The following SPAG16 variants were observed in gnomAD, a reference collection of about 807,000 sequenced individuals.
SPAG16 encodes the protein sperm-associated antigen 16 protein.
SPAG16 carries 86 observed loss-of-function variants against 80.4 expected under a neutral mutation model. The observed-to-expected ratio is 1.07, with a 90% CI of 0.90 to 1.28. The LOEUF is 1.28. Ranked by LOEUF, SPAG16 falls within the 50% of genes most tolerant of loss-of-function variation. SPAG16 has a pLI of 0.00. For missense variants in SPAG16, 870 were observed against 765.3 expected (o/e 1.14, Z -1.61); for synonymous variants, 294 against 265.9 (o/e 1.11, Z -1.03).
chr2:213,763,565 A>G (rs2068774002), intron 10 of SPAG16, among the ~76,000 whole-genome samples: 2 of 152,190 alleles, frequency 1.3e-5, no homozygotes, highest in Admixed American at 1.3e-4. Flanking sequence ...CAGTTATGCA[A>G]CATTAAAAAG....
At chr2:213,829,533 C>G (rs1474707132) in intron 10 of SPAG16, among the ~76,000 whole-genome samples, 2 of 152,140 alleles carry the variant, frequency 1.3e-5, no homozygotes, top group African/African-American at 4.8e-5. Context: ...TCAAAGTCCC[C>G]TTTACTCTTC....
intron 11 of SPAG16, among the ~76,000 whole-genome samples, chr2:213,886,006 G>A (rs2076540891): frequency 6.6e-6 from 1 of 152,114 alleles, no homozygotes; most frequent in Non-Finnish European, 1.5e-5. Context: ...ATTATAGACA[G>A]CCATGTAAAA....
intron 15 of SPAG16, among the ~76,000 whole-genome samples, chr2:214,153,367 A>G (rs2056069527): frequency 6.6e-6 from 1 of 152,176 alleles, no homozygotes; most frequent in Non-Finnish European, 1.5e-5. Context: ...TTATTATAAT[A>G]TTGGAATAAA....
intron 15 of SPAG16, among the ~76,000 whole-genome samples, chr2:214,164,879 G>A (rs573353874): frequency 4.5e-4 from 68 of 151,964 alleles, no homozygotes; most frequent in Non-Finnish European, 8.5e-4. Context: ...TAAATGCTCC[G>A]GACACTGCTA....
At chr2:213,652,983 A>G (rs1446476428) in intron 10 of SPAG16, among the ~76,000 whole-genome samples, 2 of 152,170 alleles carry the variant, frequency 1.3e-5, no homozygotes, top group African/African-American at 4.8e-5. Context: ...TGCATTTTAC[A>G]TTTCAATCTG....
At chr2:213,402,709 G>A (rs1278119677) in intron 9 of SPAG16, among the ~76,000 whole-genome samples, 1 of 151,992 alleles carries the variant, frequency 6.6e-6, no homozygotes, top group African/African-American at 2.4e-5. Flanking sequence ...AGTTTACAGA[G>A]AATGATGGTT....
chr2:213,323,627 T>C (rs1335194328), intron 5 of SPAG16, among the ~76,000 whole-genome samples: 2 of 152,200 alleles, frequency 1.3e-5, no homozygotes, highest in African/African-American at 4.8e-5. Context: ...GGGTATTTAT[T>C]TGAAGTGAAT....
Position 213,677,022 on chromosome 2 carries a change from T to G in SPAG16, c.1071-185463T>G, listed in dbSNP as rs190184560. ...TGAATCCATCTGGTCCTGGACTCTT[T>G]TTGGTTGGTAAGCTGTTGATTATTG... On this transcript the variant is annotated intron_variant, in intron 10 of 15. Coordinates refer to ENST00000331683, the MANE Select transcript of SPAG16 (RefSeq NM_024532.5). 4.1e-3 allele frequency among the ~76,000 whole-genome samples: 623 copies of G among 152,064 alleles called. 6 individuals carry two copies. Among genetic ancestry groups the G allele is most frequent in the African/African-American group, 0.014 (588 of 41,468 alleles).
intron 11 of SPAG16, among the ~76,000 whole-genome samples, chr2:213,876,974 A>AAAGC (rs1225134536): frequency 6.6e-6 from 1 of 152,190 alleles, no homozygotes; most frequent in Non-Finnish European, 1.5e-5. Flanking sequence ...AAACATGCTT[A>AAAGC]GCAAGATAAT....
chr2:213,474,302 T>G (rs1162754126), intron 9 of SPAG16, among the ~76,000 whole-genome samples: 2 of 152,154 alleles, frequency 1.3e-5, no homozygotes, highest in Non-Finnish European at 2.9e-5. Context: ...CTTCTGTCTT[T>G]TTTTCCACAA....
intron 10 of SPAG16, among the ~76,000 whole-genome samples, chr2:213,624,851 C>T (rs544978044): frequency 6.6e-6 from 1 of 152,172 alleles, no homozygotes; most frequent in East Asian, 1.9e-4. Context: ...AGTGCAATGG[C>T]GTGATCTCAG....
In SPAG16 at chr2:213,536,452, A is replaced by C. The variant is rs113657455; in HGVS notation, c.1070+46362A>C. Among the ~76,000 whole-genome samples, 123 of 152,290 alleles carry C rather than the reference A, an allele frequency of 8.1e-4. 2 individuals are homozygous for C. Among genetic ancestry groups the C allele is most frequent in the Middle Eastern group, 3.4e-3 (1 of 292 alleles). ...TAGTTTACTGTCCCACCAACAGTGT[A>C]AAAGTGTTCCTATTTCTCCACATCC... On this transcript the variant is annotated intron_variant, in intron 10 of 15. Transcript: ENST00000331683.
intron 15 of SPAG16, among the ~76,000 whole-genome samples, chr2:214,196,597 C>T (rs1454874628): frequency 6.6e-6 from 1 of 151,954 alleles, no homozygotes; most frequent in Non-Finnish European, 1.5e-5. Context: ...AGAAGGTGCT[C>T]AGAAACTGCA....
chr2:213,730,192 G>A (rs1438563006), intron 10 of SPAG16, among the ~76,000 whole-genome samples: 1 of 152,152 alleles, frequency 6.6e-6, no homozygotes, highest in Non-Finnish European at 1.5e-5. Context: ...TAATATAAAA[G>A]ACATTGAGTC....
chr2:214,297,811 G>A (rs1694240539), intron 15 of SPAG16, among the ~76,000 whole-genome samples: 1 of 147,696 alleles, frequency 6.8e-6, no homozygotes, highest in African/African-American at 2.5e-5. Flanking sequence ...AGATTGCTTG[G>A]GCTATTTGGC....
At chr2:214,312,153 A>G (rs1353068556) in intron 15 of SPAG16, among the ~76,000 whole-genome samples, 1 of 152,216 alleles carries the variant, frequency 6.6e-6, no homozygotes, top group Admixed American at 6.5e-5. Flanking sequence ...ATCGTGTTTA[A>G]TGATATGAAT....
chr2:213,353,421 T>A lies in SPAG16; in HGVS notation c.762+2776T>A, dbSNP rs75245855. 9.6e-3 allele frequency among the ~76,000 whole-genome samples: 1,459 copies of A among 152,356 alleles called. 24 individuals carry two copies. Among genetic ancestry groups the A allele is most frequent in the African/African-American group, 0.033 (1,366 of 41,574 alleles). ...CAGTTAGGGTCCATCTACACAGATA[T>A]ACCTTTTTCAGTCCATTTTCAACAT... On this transcript the variant is annotated intron_variant, in intron 7 of 15. Coordinates refer to ENST00000331683, the MANE Select transcript of SPAG16 (RefSeq NM_024532.5).
At chr2:213,410,479 C>T (rs1222499854) in intron 9 of SPAG16, among the ~76,000 whole-genome samples, 3 of 152,234 alleles carry the variant, frequency 2.0e-5, no homozygotes, top group East Asian at 1.9e-4. Context: ...GTCTTGCCCC[C>T]GATGTAGAGC....
At chr2:214,364,382 G>A (rs1204936242) in intron 15 of SPAG16, among the ~76,000 whole-genome samples, 2 of 152,032 alleles carry the variant, frequency 1.3e-5, no homozygotes, top group South Asian at 2.1e-4. Context: ...TCCAAAAAGA[G>A]GTACTTACTC....
Sources: gnomAD v4.1 joint callset for allele counts (sites outside exome capture counted in the v4.1 genomes callset) on GRCh38, gnomAD v4.1.1 for gene constraint, MANE v1.5 for transcripts, NCBI Gene and HGNC (gene_info 2026-07-23, HGNC 2026-07-21) for gene names.